Variants in SCML2 observed in about 807,000 individuals in gnomAD.
SCML2 encodes the protein Scm polycomb group protein like 2.
In SCML2, 6 loss-of-function variants were observed where a neutral mutation model predicts 48.4. The ratio of observed to expected loss-of-function variants is 0.12; its 90% CI spans 0.07 to 0.24. The LOEUF (loss-of-function observed/expected upper bound fraction) is 0.24. Ranked by LOEUF, SCML2 falls within the 10% of genes least tolerant of loss-of-function variation. The pLI is 1.00. For missense variants in SCML2, 377 were observed against 528.2 expected, an observed-to-expected ratio of 0.71 and a Z score of 2.81; for synonymous variants, 181 against 189.5, an observed-to-expected ratio of 0.95 and a Z score of 0.37.
At chrX:18,250,126 T>C (rs1926595760) in intron 11 of SCML2, among the ~76,000 whole-genome samples, 1 of 110,494 alleles carries the variant, frequency 9.1e-6, no homozygotes, top group Admixed American at 9.6e-5. Flanking sequence ...AAATGAGACA[T>C]GCAAAGAAAC....
At chrX:18,313,623 C>T (rs1433680502) in intron 6 of SCML2, among the ~76,000 whole-genome samples, 1 of 111,705 alleles carries the variant, frequency 9.0e-6, no homozygotes, top group Admixed American at 9.5e-5. Flanking sequence ...TACCCTTCAT[C>T]CTTAGCTAAG....
chrX:18,264,265 T>C (rs1328571065), intron 8 of SCML2, among the ~76,000 whole-genome samples: 1 of 111,763 alleles, frequency 8.9e-6, no homozygotes, highest in Non-Finnish European at 1.9e-5. Flanking sequence ...TATTCTTCTA[T>C]CTTCCAGTTC....
intron 1 of SCML2, among the ~76,000 whole-genome samples, chrX:18,353,260 G>T (rs1203716328): frequency 9.0e-6 from 1 of 111,550 alleles, no homozygotes; most frequent in East Asian, 2.8e-4. Context: ...CATTTCCCTC[G>T]CTGTTATTGA....
intron 3 of SCML2, 51 bp from the exon 4 acceptor site, chrX:18,325,028 CT>C: frequency 1.2e-6 from 1 of 864,834 alleles, no homozygotes; most frequent in Non-Finnish European, 1.7e-6. Flanking sequence ...TACAATGTAA[CT>C]TTTAGTATAT....
intron 1 of SCML2, among the ~76,000 whole-genome samples, chrX:18,337,305 CAAAAAAAAAAAAAA>C (rs770888184): frequency 2.0e-4 from 1 of 5,059 alleles, no homozygotes; most frequent in Non-Finnish European, 3.6e-4. Flanking sequence ...GACTCTGTCT[CAAAAAAAAAAAAAA>C]AAAAAAAAAA....
intron 1 of SCML2, among the ~76,000 whole-genome samples, chrX:18,343,546 G>T (rs1195431452): frequency 9.1e-6 from 1 of 109,894 alleles, no homozygotes; most frequent in Admixed American, 9.8e-5. Flanking sequence ...GGATCACGAG[G>T]TCAGGAGATC....
chrX:18,255,421 C>A (rs980908725), intron 11 of SCML2, among the ~76,000 whole-genome samples: 3 of 111,948 alleles, frequency 2.7e-5, no homozygotes, highest in African/African-American at 9.7e-5. Flanking sequence ...GGATTGGAAC[C>A]CAGGTCTGAC....
chrX:18,285,498 A>T (rs954561150), intron 7 of SCML2, among the ~76,000 whole-genome samples: 1 of 110,240 alleles, frequency 9.1e-6, no homozygotes, highest in Non-Finnish European at 1.9e-5. Flanking sequence ...TGAGAGCTAA[A>T]CACTGAGCAC....
chrX:18,252,399 A>T (rs1458502856), intron 11 of SCML2, among the ~76,000 whole-genome samples: 1 of 112,928 alleles, frequency 8.9e-6, no homozygotes, highest in Non-Finnish European at 1.9e-5. Flanking sequence ...ATAAAGACAG[A>T]AGAAAGTCAA....
At chrX:18,293,894 C>T (rs765273786) in intron 7 of SCML2, among the ~76,000 whole-genome samples, 12 of 112,198 alleles carry the variant, frequency 1.1e-4, no homozygotes, top group Non-Finnish European at 2.1e-4. Context: ...TTTACCATCA[C>T]AGAAAGTGTC....
intron 12 of SCML2, among the ~76,000 whole-genome samples, chrX:18,247,336 T>C (rs1237296782): frequency 8.9e-6 from 1 of 111,769 alleles, no homozygotes; most frequent in African/African-American, 3.3e-5. Context: ...TAACTTACTA[T>C]CATTTGCCAG....
intron 1 of SCML2, among the ~76,000 whole-genome samples, chrX:18,336,861 AAAG>A (rs1407313715): frequency 1.4e-4 from 16 of 112,467 alleles, no homozygotes; most frequent in African/African-American, 4.8e-4. Flanking sequence ...GTGGGAAAAA[AAAG>A]AATAATATGC....
At chrX:18,279,563 C>T (rs1927757088) in intron 7 of SCML2, among the ~76,000 whole-genome samples, 2 of 111,966 alleles carry the variant, frequency 1.8e-5, no homozygotes, top group South Asian at 7.4e-4. Context: ...AATCCGGATG[C>T]GCAAGGAGGC....
chrX:18,277,404 T>C (rs866361713), intron 7 of SCML2, among the ~76,000 whole-genome samples: 3 of 112,160 alleles, frequency 2.7e-5, no homozygotes, highest in Admixed American at 1.9e-4. Context: ...AAATGTGCCA[T>C]AGACTCTGCA....
chrX:18,275,360 T>C (rs1223236853), intron 7 of SCML2, among the ~76,000 whole-genome samples: 3 of 112,762 alleles, frequency 2.7e-5, no homozygotes, highest in Non-Finnish European at 5.6e-5. Flanking sequence ...CCTTCCTTGT[T>C]GTCAATGGCT....
intron 6 of SCML2, among the ~76,000 whole-genome samples, chrX:18,305,490 T>C (rs1010737797): frequency 1.8e-5 from 2 of 111,811 alleles, no homozygotes; most frequent in Non-Finnish European, 3.8e-5. Flanking sequence ...TTATCTACTA[T>C]GTACCAGGAA....
chrX:18,330,443 T>C lies in SCML2; in HGVS notation c.91+144A>G, dbSNP rs745406108. The C allele has an allele frequency of 1.3e-5, 4 of 310,877 alleles. No individual in the cohort carries two copies. In the South Asian group the frequency reaches 8.1e-4, roughly 63 times the overall value. The allele number at this position is 310,877 out of a possible 1,213,427, so 25.6% of individuals were successfully genotyped here. A position where few individuals can be genotyped will look rare whatever the true frequency, so the allele number is the denominator to read the frequency against. On this transcript the variant is annotated intron_variant, in intron 3 of 14. Coordinates refer to ENST00000251900, the MANE Select transcript of SCML2 (RefSeq NM_006089.3). The stretch of plus-strand genomic sequence containing the variant: ...AATAAAATACAATTTTTGACCTTTC[T>C]TATTACATTTTGTATTTACAGAAGT...
chrX:18,346,743 T>C (rs1204616524), intron 1 of SCML2, among the ~76,000 whole-genome samples: 2 of 112,456 alleles, frequency 1.8e-5, no homozygotes, highest in African/African-American at 6.4e-5. Flanking sequence ...CCTTTATGTT[T>C]TTAACTTGTA....
At chrX:18,281,711 C>CAAA (rs762908673) in intron 7 of SCML2, among the ~76,000 whole-genome samples, 19 of 28,698 alleles carry the variant, frequency 6.6e-4, no homozygotes, top group African/African-American at 2.5e-3. Context: ...GACTCTGTCT[C>CAAA]AAAAAAAAAA....
Sources: gnomAD v4.1 joint callset for allele counts (sites outside exome capture counted in the v4.1 genomes callset) on GRCh38, gnomAD v4.1.1 for gene constraint, MANE v1.5 for transcripts, NCBI Gene and HGNC (gene_info 2026-07-23, HGNC 2026-07-21) for gene names.